BNC2: variants seen among roughly 807,000 people sequenced by gnomAD.
BNC2 encodes the protein zinc finger protein basonuclin-2.
Under a neutral mutation model 76.3 loss-of-function variants are expected in BNC2, and 20 were observed. The observed-to-expected ratio is 0.26, with a 90% confidence interval of 0.18 to 0.38. The LOEUF (loss-of-function observed/expected upper bound fraction) is 0.38, where lower values mean the gene tolerates loss of function less well. BNC2 is among the 10% of genes least tolerant of loss of function. BNC2 has a pLI of 1.00. For missense variants in BNC2, 1,382 were observed against 1,399.8 expected (o/e 0.99, Z 0.20); for synonymous variants, 582 against 514.8 (o/e 1.13, Z -1.77).
At chr9:16,841,022 TTCC>T (rs764091220) in intron 1 of BNC2, among the ~76,000 whole-genome samples, 35 of 152,344 alleles carry the variant, frequency 2.3e-4, no homozygotes, top group Non-Finnish European at 3.8e-4. Flanking sequence ...GTTCTTCCGA[TTCC>T]ACATTTGAAC....
At position 16,585,432 on chromosome 9, in the gene BNC2, T is replaced by G. The variant is rs565132329; in HGVS notation, c.331-2347A>C. ...TCAACTCCTTTTGTATATAAACACT[T>G]AAGCACTAGAATATCCATTTTGTAT... On this transcript the variant is annotated intron_variant, in intron 3 of 6. Transcript: ENST00000380672. 1.9e-3 allele frequency among the ~76,000 whole-genome samples: 293 copies of G among 152,276 alleles called. 3 individuals are homozygous for G. The highest frequency in any genetic ancestry group is 6.8e-3 in the Middle Eastern group (2 of 294).
intron 1 of BNC2, among the ~76,000 whole-genome samples, chr9:16,774,927 T>C (rs775106652): frequency 3.3e-5 from 5 of 152,244 alleles, no homozygotes; most frequent in Non-Finnish European, 7.3e-5. Context: ...TTTTTATTTG[T>C]TTTTGCTTTT....
intron 1 of BNC2, among the ~76,000 whole-genome samples, chr9:16,746,422 G>A (rs1275440605): frequency 6.6e-6 from 1 of 151,914 alleles, no homozygotes; most frequent in Non-Finnish European, 1.5e-5. Context: ...GGAGTGCCAT[G>A]GTCCAATCTC....
intron 1 of BNC2, among the ~76,000 whole-genome samples, chr9:16,849,470 T>C (rs999887487): frequency 1.4e-5 from 2 of 146,046 alleles, no homozygotes; most frequent in African/African-American, 5.1e-5. Context: ...GCAAGTCTCC[T>C]GCCTCAGCCC....
intron 4 of BNC2, among the ~76,000 whole-genome samples, chr9:16,567,777 T>G (rs1217967826): frequency 6.6e-6 from 1 of 152,200 alleles, no homozygotes; most frequent in Admixed American, 6.6e-5. Context: ...TATGCTCATT[T>G]CAGGTCCTGA....
At chr9:16,528,499 T>C (rs1305331486) in intron 5 of BNC2, among the ~76,000 whole-genome samples, 1 of 152,254 alleles carries the variant, frequency 6.6e-6, no homozygotes, top group Non-Finnish European at 1.5e-5. Flanking sequence ...AGATGGTTTC[T>C]ATAGTTATCT....
At chr9:16,783,503 T>A (rs759379682) in intron 1 of BNC2, among the ~76,000 whole-genome samples, 2 of 152,222 alleles carry the variant, frequency 1.3e-5, no homozygotes, top group Non-Finnish European at 1.5e-5. Context: ...ATACGACAAG[T>A]TTCAAGAGTC....
chr9:16,738,245 G>A (rs1225276506), intron 2 of BNC2, 115 bp downstream of exon 2: 2 of 1,181,536 alleles, frequency 1.7e-6, no homozygotes, highest in Non-Finnish European at 2.5e-6. Flanking sequence ...GGATAAGTAT[G>A]AAAGACAGTA....
intron 3 of BNC2, among the ~76,000 whole-genome samples, chr9:16,663,837 A>T (rs1385267625): frequency 6.6e-6 from 1 of 152,196 alleles, no homozygotes; most frequent in East Asian, 1.9e-4. Context: ...GATTTTTCCA[A>T]ATAAATTTTT....
rs1479772957 is a variant in BNC2 at position 16,417,563 on chromosome 9, T to A, written c.*1426A>T. 6.6e-6 allele frequency: 1 copy of A among 152,256 alleles called. No individual in the cohort carries two copies. The highest frequency in any genetic ancestry group is 1.5e-5 in the Non-Finnish European group (1 of 68,046). The allele number at this position is 152,256 out of a possible 1,614,324, so 9.4% of individuals were successfully genotyped here. On this transcript the variant is annotated 3_prime_UTR_variant, in exon 7 of 7. Transcript: ENST00000380672. ...TGCTGTTAAATGCCTTTTGATTTTG[T>A]CTACCAAACAGGCCTGAATTATAGT... is the stretch of plus-strand genomic sequence containing the variant.
intron 5 of BNC2, among the ~76,000 whole-genome samples, chr9:16,457,711 A>C (rs906666027): frequency 6.6e-6 from 1 of 152,136 alleles, no homozygotes; most frequent in Admixed American, 6.6e-5. Context: ...CATAAAGCAT[A>C]TTATTTACAG....
chr9:16,525,873 C>A (rs1293147071), intron 5 of BNC2, among the ~76,000 whole-genome samples: 1 of 152,086 alleles, frequency 6.6e-6, no homozygotes, highest in East Asian at 1.9e-4. Flanking sequence ...CAACCACAGT[C>A]CTTTATATAA....
intron 5 of BNC2, among the ~76,000 whole-genome samples, chr9:16,505,596 T>G (rs1274408733): frequency 2.0e-5 from 3 of 152,136 alleles, no homozygotes; most frequent in Admixed American, 6.6e-5. Context: ...ATTTTAAGCT[T>G]GAAACACTAA....
chr9:16,695,630 C>G (rs1376088860), intron 3 of BNC2, among the ~76,000 whole-genome samples: 1 of 151,480 alleles, frequency 6.6e-6, no homozygotes, highest in African/African-American at 2.4e-5. Flanking sequence ...CTGCTGCGGC[C>G]TCCCAAAGTA....
chr9:16,784,416 T>C (rs1038954361), intron 1 of BNC2, among the ~76,000 whole-genome samples: 2 of 152,198 alleles, frequency 1.3e-5, no homozygotes, highest in South Asian at 2.1e-4. Flanking sequence ...GTACAAATAA[T>C]TGTCCCACAA....
At chr9:16,517,881 A>T (rs1563820876) in intron 5 of BNC2, among the ~76,000 whole-genome samples, 1 of 152,108 alleles carries the variant, frequency 6.6e-6, no homozygotes, top group East Asian at 1.9e-4. Flanking sequence ...ATAATTGCAG[A>T]ATTCTCAGCC....
At chr9:16,595,929 A>C (rs1365689798) in intron 3 of BNC2, among the ~76,000 whole-genome samples, 1 of 152,152 alleles carries the variant, frequency 6.6e-6, no homozygotes. Context: ...CGTTAATGTC[A>C]TCTTGGGCAT....
chr9:16,634,857 G>A (rs182215322), intron 3 of BNC2, among the ~76,000 whole-genome samples: 176 of 151,026 alleles, frequency 1.2e-3, no homozygotes, highest in African/African-American at 2.4e-3. Flanking sequence ...GTACACTGAG[G>A]GGAGGGGGAA....
At chr9:16,550,520 T>C (rs1038480312) in intron 5 of BNC2, among the ~76,000 whole-genome samples, 1 of 152,200 alleles carries the variant, frequency 6.6e-6, no homozygotes, top group African/African-American at 2.4e-5. Context: ...GGCAGAACAA[T>C]AGGACCATAA....
Sources: gnomAD v4.1 joint callset for allele counts (sites outside exome capture counted in the v4.1 genomes callset) on GRCh38, gnomAD v4.1.1 for gene constraint, MANE v1.5 for transcripts, NCBI Gene and HGNC (gene_info 2026-07-23, HGNC 2026-07-21) for gene names.